The following DNAJB14 variants were observed in gnomAD, a reference collection of about 807,000 sequenced individuals.
DNAJB14 encodes the protein dnaJ homolog subfamily B member 14.
DNAJB14 carries 22 observed loss-of-function variants against 48.4 expected under a neutral mutation model. The ratio of observed to expected loss-of-function variants is 0.45; its 90% CI spans 0.32 to 0.65. The LOEUF (loss-of-function observed/expected upper bound fraction) is 0.65. Among genes scored for constraint, DNAJB14 ranks in the 30% least tolerant of loss-of-function variants. The probability of loss-of-function intolerance (pLI) is 0.03; values close to 1 mark genes in which losing one functional copy is unlikely to be tolerated. For synonymous variants in DNAJB14, 142 were observed against 158.7 expected (o/e 0.89, Z 0.79); for missense variants, 319 against 458.8 (o/e 0.70, Z 2.78).
intron 4 of DNAJB14, among the ~76,000 whole-genome samples, chr4:99,908,054 C>A (rs1725528224): frequency 6.6e-6 from 1 of 152,154 alleles, no homozygotes; most frequent in African/African-American, 2.4e-5. Flanking sequence ...GTTTCACTTA[C>A]AGTCACAGTT....
At position 99,913,441 on chromosome 4, in the gene DNAJB14, AT is replaced by A. The variant is rs920304550; in HGVS notation, c.452-4546del. On this transcript the variant is annotated intron_variant, in intron 3 of 7. Transcript: ENST00000442697. ...TTCCACTGATTAATATAATCGTGGG[AT>A]TTTTTTTCTTTAATTAATGTGGTGG... Among the ~76,000 whole-genome samples, 61 of 151,828 alleles carry A rather than the reference AT, an allele frequency of 4.0e-4. No homozygotes were observed. In the Middle Eastern group the frequency reaches 0.014, roughly 34 times the overall value.
Position 99,905,715 on chromosome 4 carries a change from A to T in DNAJB14, c.733-9T>A, listed in dbSNP as rs769959429. 1 of 1,608,522 alleles carries T rather than the reference A, an allele frequency of 6.2e-7. No individual in the cohort carries two copies. The highest frequency in any genetic ancestry group is 1.1e-5 in the South Asian group (1 of 90,736). ...AACACAGAAAAACCTCCCTATAAAAAATGATCAAAGAATAACAAATTGTAA... is the reference window on the plus strand; with the variant it reads ...AACACAGAAAAACCTCCCTATAAAATATGATCAAAGAATAACAAATTGTAA... On this transcript the variant is annotated splice_polypyrimidine_tract_variant and intron_variant, in intron 5 of 7. Coordinates refer to ENST00000442697, the MANE Select transcript of DNAJB14 (RefSeq NM_001031723.4).
chr4:99,905,998 A>AAG, intron 5 of DNAJB14: 1 of 1,295,826 alleles, frequency 7.7e-7, no homozygotes, highest in Non-Finnish European at 9.9e-7. Context: ...ACACACAGAG[A>AAG]CGCTATCAAT....
chr4:99,934,892 A>C (rs1304535526), intron 1 of DNAJB14, among the ~76,000 whole-genome samples: 1 of 150,920 alleles, frequency 6.6e-6, no homozygotes, highest in Non-Finnish European at 1.5e-5. Flanking sequence ...TAAAAAATCA[A>C]TTAAAAAAAG....
In DNAJB14 at chr4:99,905,988, A is replaced by C. The variant is rs540191981; in HGVS notation, c.733-282T>G. ...TCTCTTTCCCGACTCCCTCCCCCCCACACACAGAGACGCTATCAATATGCT... is the reference window on the plus strand; with the variant it reads ...TCTCTTTCCCGACTCCCTCCCCCCCCCACACAGAGACGCTATCAATATGCT... On this transcript the variant is annotated intron_variant, in intron 5 of 7. Coordinates refer to ENST00000442697, the MANE Select transcript of DNAJB14 (RefSeq NM_001031723.4). 408 of 1,283,602 alleles carry C rather than the reference A, an allele frequency of 3.2e-4. 1 individual carries two copies. The South Asian group carries it at 5.3e-3, about 17-fold the overall frequency. The allele number at this position is 1,283,602 out of a possible 1,614,324, so 79.5% of individuals were successfully genotyped here. A position where few individuals can be genotyped will look rare whatever the true frequency, so the allele number is the denominator to read the frequency against.
intron 4 of DNAJB14, 95 bp from the exon 5 acceptor site, chr4:99,906,706 C>G: frequency 2.0e-6 from 2 of 993,202 alleles, no homozygotes; most frequent in East Asian, 5.2e-5. Flanking sequence ...TAAAAAATTA[C>G]TAAAATAATG....
chr4:99,944,926 A>G (rs1337505374), intron 1 of DNAJB14, among the ~76,000 whole-genome samples: 3 of 152,190 alleles, frequency 2.0e-5, no homozygotes, highest in African/African-American at 7.2e-5. Flanking sequence ...ACATAAATGA[A>G]ACTTGGGAAC....
chr4:99,918,090 G>C (rs1725920986), intron 3 of DNAJB14, among the ~76,000 whole-genome samples: 1 of 151,930 alleles, frequency 6.6e-6, no homozygotes, highest in African/African-American at 2.4e-5. Flanking sequence ...CTTTCTTCTA[G>C]GACACCAATC....
Position 99,934,878 on chromosome 4 carries a change from AT to A in DNAJB14, c.134-4258del, listed in dbSNP as rs1227002632. Among the ~76,000 whole-genome samples, 7 of 150,718 alleles carry A rather than the reference AT, an allele frequency of 4.6e-5. 1 individual carries two copies. The highest frequency in any genetic ancestry group is 1.7e-4 in the African/African-American group (7 of 41,278). ...GATAAAACTCAATAAAAAATAAGAC[AT>A]TTTAAAAAATCAATTAAAAAAAGAC... On this transcript the variant is annotated intron_variant, in intron 1 of 7. Transcript: ENST00000442697.
rs1725199080 is a variant in DNAJB14, at chr4:99,898,592, TTTACACAAAAAGGG to T, written c.*2422_*2435del. The T allele has an allele frequency of 6.6e-6, 1 of 151,864 alleles. No homozygotes were observed. The highest frequency in any genetic ancestry group is 2.4e-5 in the African/African-American group (1 of 41,408). 9.4% of individuals were successfully genotyped at this position (151,864 alleles called of 1,614,324 possible). On this transcript the variant is annotated 3_prime_UTR_variant, in exon 8 of 8. Transcript: ENST00000442697. Reference sequence around the variant, plus strand: ...GTGTATATGCATGGGTGTATTTGTGTTTACACAAAAAGGGGTAAAAATGTAAAGCATTAATAAAT... The same window carrying T: ...GTGTATATGCATGGGTGTATTTGTGTGTAAAAATGTAAAGCATTAATAAAT...
intron 3 of DNAJB14, among the ~76,000 whole-genome samples, chr4:99,920,583 A>G (rs558032604): frequency 1.3e-5 from 2 of 152,370 alleles, no homozygotes; most frequent in South Asian, 4.1e-4. Flanking sequence ...TTATTTCATT[A>G]AAATATTTTT....
chr4:99,901,361 AAAAT>A (rs1271188574), intron 7 of DNAJB14, among the ~76,000 whole-genome samples: 1 of 152,134 alleles, frequency 6.6e-6, no homozygotes, highest in East Asian at 1.9e-4. Context: ...ACAAACACAG[AAAAT>A]AAATAAGGAT....
chr4:99,930,292 C>G, intron 2 of DNAJB14, 158 bp downstream of exon 2: 1 of 582,774 alleles, frequency 1.7e-6, no homozygotes, highest in Non-Finnish European at 2.7e-6. Context: ...ACTTTACAGA[C>G]CAGTTTTATA....
At chr4:99,939,149 G>A (rs1578239550) in intron 1 of DNAJB14, among the ~76,000 whole-genome samples, 4 of 152,188 alleles carry the variant, frequency 2.6e-5, no homozygotes, top group Admixed American at 2.6e-4. Flanking sequence ...ATCACCTAAG[G>A]TCAGGAGTTC....
At chr4:99,919,475 C>CTT (rs1725973967) in intron 3 of DNAJB14, among the ~76,000 whole-genome samples, 1 of 152,078 alleles carries the variant, frequency 6.6e-6, no homozygotes, top group Non-Finnish European at 1.5e-5. Context: ...ATCCCAGCTA[C>CTT]TTGGAAGGCT....
chr4:99,908,909 T>G lies in DNAJB14; in HGVS notation c.452-13A>C. ...GCATTTCCAATCTCTGAAAAAGTAA[T>G]GAGTAAAAGTTGGTAAGCAAAGTTT... On this transcript the variant is annotated splice_polypyrimidine_tract_variant and intron_variant, in intron 3 of 7. Coordinates refer to ENST00000442697, the MANE Select transcript of DNAJB14 (RefSeq NM_001031723.4). 1 of 1,513,562 alleles carries G rather than the reference T, an allele frequency of 6.6e-7. No homozygotes were observed. Among genetic ancestry groups the G allele is most frequent in the Non-Finnish European group, 8.8e-7 (1 of 1,133,968 alleles). The allele number at this position is 1,513,562 out of a possible 1,614,324, so 93.8% of individuals were successfully genotyped here.
intron 1 of DNAJB14, among the ~76,000 whole-genome samples, chr4:99,945,894 T>A (rs993224748): frequency 1.3e-5 from 2 of 152,232 alleles, no homozygotes; most frequent in Non-Finnish European, 2.9e-5. Context: ...TTGCCGAAAG[T>A]GTGCTCTTCT....
Position 99,946,582 on chromosome 4 carries a change from T to C in DNAJB14, c.-11A>G, listed in dbSNP as rs764477505. ...CCTGTTCCCCTCCATAGCTTGCTCCTTCTTCCGTTTCCTCCGGCAGCGCAG... is the reference window on the plus strand; with the variant it reads ...CCTGTTCCCCTCCATAGCTTGCTCCCTCTTCCGTTTCCTCCGGCAGCGCAG... On this transcript the variant is annotated 5_prime_UTR_variant, in exon 1 of 8. Coordinates refer to ENST00000442697, the MANE Select transcript of DNAJB14 (RefSeq NM_001031723.4). 14 of 1,612,290 alleles carry C rather than the reference T, an allele frequency of 8.7e-6. No individual in the cohort carries two copies. Among genetic ancestry groups the C allele is most frequent in the Middle Eastern group, 1.7e-4 (1 of 6,054 alleles).
intron 1 of DNAJB14, among the ~76,000 whole-genome samples, chr4:99,944,836 C>G (rs1727010405): frequency 6.6e-6 from 1 of 152,158 alleles, no homozygotes; most frequent in Non-Finnish European, 1.5e-5. Flanking sequence ...CTCGGCCTCC[C>G]AAAGTGCTGG....
Sources: gnomAD v4.1 joint callset for allele counts (sites outside exome capture counted in the v4.1 genomes callset) on GRCh38, gnomAD v4.1.1 for gene constraint, MANE v1.5 for transcripts, NCBI Gene and HGNC (gene_info 2026-07-23, HGNC 2026-07-21) for gene names.